FBN3: variants seen among roughly 807,000 people sequenced by gnomAD.
FBN3 encodes fibrillin 3.
Under a neutral mutation model 330.1 loss-of-function variants are expected in FBN3, and 234 were observed. The observed-to-expected ratio is 0.71, with a 90% CI of 0.64 to 0.79. The LOEUF is 0.79. Among genes scored for constraint, FBN3 ranks in the 30% least tolerant of loss-of-function variants. The pLI is 0.00. For missense variants in FBN3, 3,606 were observed against 3,886.9 expected, an observed-to-expected ratio of 0.93 and a Z score of 1.92; for synonymous variants, 1,458 against 1,517.3, an observed-to-expected ratio of 0.96 and a Z score of 0.91.
chr19:8,083,061 A>T lies in FBN3; in HGVS notation c.7213+186T>A, dbSNP rs537936041. Among the ~76,000 whole-genome samples, 6 of 152,254 alleles carry T rather than the reference A, an allele frequency of 3.9e-5. No homozygotes were observed. The South Asian group carries it at 1.0e-3, about 26-fold the overall frequency. ...AGTGATCCTCCCACCTCGACCTCCC[A>T]AAATACTGGGATTACAGTAGCGAGC... On this transcript the variant is annotated intron_variant, in intron 57 of 63. Transcript: ENST00000600128.
chr19:8,094,335 G>A lies in FBN3; in HGVS notation c.5905+111C>T, dbSNP rs189533723. 8.3e-4 allele frequency: 991 copies of A among 1,188,160 alleles called. 2 individuals carry two copies. Among genetic ancestry groups the A allele is most frequent in the Admixed American group, 2.0e-3 (76 of 38,828 alleles). 73.6% of individuals were successfully genotyped at this position (1,188,160 alleles called of 1,614,324 possible). A position where few individuals can be genotyped will look rare whatever the true frequency, so the allele number is the denominator to read the frequency against. ...TTTATGAAGCTGTGTTTGACGCTGC[G>A]TTAAGTACATCTCCACCTTCATCAC... is the stretch of plus-strand genomic sequence containing the variant. On this transcript the variant is annotated intron_variant, in intron 47 of 63. Transcript: ENST00000600128.
At chr19:8,116,352 C>A (rs988951085) in intron 29 of FBN3, among the ~76,000 whole-genome samples, 1 of 152,218 alleles carries the variant, frequency 6.6e-6, no homozygotes. Flanking sequence ...TCTTAAAGCA[C>A]AGCCCTTGAA....
Position 8,090,485 on chromosome 19 carries a change from TGG to T in FBN3, c.6032-236_6032-235del, listed in dbSNP as rs374006499. Among the ~76,000 whole-genome samples, 322 of 61,696 alleles carry T rather than the reference TGG, an allele frequency of 5.2e-3. 2 individuals are homozygous for T. Among genetic ancestry groups the T allele is most frequent in the Middle Eastern group, 0.033 (3 of 90 alleles). 40.5% of individuals were successfully genotyped at this position (61,696 alleles called of 152,430 possible). ...TAGTTGTTGTTGTTGGTGGTGGTGG[TGG>T]TTTTTTTTTTTTTTCAGATGGAGTC... is the stretch of plus-strand genomic sequence containing the variant. On this transcript the variant is annotated intron_variant, in intron 48 of 63. Transcript: ENST00000600128.
chr19:8,096,793 G>T lies in FBN3; in HGVS notation c.5413+88C>A. The T allele has an allele frequency of 6.8e-7, 1 of 1,474,874 alleles. No homozygotes were observed. Among genetic ancestry groups the T allele is most frequent in the Non-Finnish European group, 9.2e-7 (1 of 1,086,828 alleles). 91.4% of individuals were successfully genotyped at this position (1,474,874 alleles called of 1,614,324 possible). A position where few individuals can be genotyped will look rare whatever the true frequency, so the allele number is the denominator to read the frequency against. ...ACCCCCCTAATAGTATAGAAAAGGA[G>T]AAAGACCTGGACAGAGCCATACCCC... On this transcript the variant is annotated intron_variant, in intron 43 of 63. Transcript: ENST00000600128. The surrounding 1 kb of genome is among the most constrained non-coding windows in gnomAD (Gnocchi z 4.6).
chr19:8,114,139 T>C (rs189112382), intron 30 of FBN3, among the ~76,000 whole-genome samples: 6 of 152,148 alleles, frequency 3.9e-5, no homozygotes, highest in African/African-American at 1.4e-4. Flanking sequence ...CATGGAACAC[T>C]TTCTGCCTCT....
At position 8,131,792 on chromosome 19, in the gene FBN3, G is replaced by A. The variant is rs571972310; in HGVS notation, c.1752C>T (p.Asn584=). The change falls in exon 15 of 64, where the codon AAC becomes AAT. Residue 584 remains asparagine, a synonymous_variant. Transcript: ENST00000600128. The surrounding 1 kb of genome is among the most constrained non-coding windows in gnomAD (Gnocchi z 4.5). ...AGCCCTCGGTGTTGGTACAGTGGCC[G>A]TTCACGCAGATGCCGGGCGTCTGGC... is the stretch of plus-strand genomic sequence containing the variant. ...DECQTPGICV[N]GHCTNTEGSF... The A allele has an allele frequency of 2.3e-5, 37 of 1,606,596 alleles. No individual in the cohort carries two copies. The highest frequency in any genetic ancestry group is 4.4e-5 in the South Asian group (4 of 90,664).
In FBN3 at chr19:8,121,704, T is replaced by C. The variant is rs2082856078; in HGVS notation, c.3083-318A>G. 6.6e-6 allele frequency among the ~76,000 whole-genome samples: 1 copy of C among 152,118 alleles called. No homozygotes were observed. Among genetic ancestry groups the C allele is most frequent in the Admixed American group, 6.6e-5 (1 of 15,258 alleles). On this transcript the variant is annotated intron_variant, in intron 24 of 63. Coordinates refer to ENST00000600128, the MANE Select transcript of FBN3 (RefSeq NM_032447.5). This position sits in a 1 kb window ranked among gnomAD's most constrained non-coding sequence, Gnocchi z 4.5. Reference sequence around the variant, plus strand: ...TTCTCCATTTTCTTTATTTTGATGGTAGATTTGTTTGTTTGTTTTATTTTA... The same window carrying C: ...TTCTCCATTTTCTTTATTTTGATGGCAGATTTGTTTGTTTGTTTTATTTTA...
intron 10 of FBN3, among the ~76,000 whole-genome samples, chr19:8,137,233 G>GC (rs1408967063): frequency 1.3e-5 from 2 of 149,088 alleles, no homozygotes; most frequent in African/African-American, 2.5e-5. Flanking sequence ...CCAACCTGGG[G>GC]CTTAGATCCC....
At chr19:8,120,009 C>T (rs1012514772) in intron 25 of FBN3, among the ~76,000 whole-genome samples, 11 of 150,226 alleles carry the variant, frequency 7.3e-5, no homozygotes, top group East Asian at 3.9e-4. Context: ...TGTGTAGAGA[C>T]GGGGCCTCTC....
chr19:8,079,747 A>T (rs147197591), intron 59 of FBN3, among the ~76,000 whole-genome samples: 1 of 151,826 alleles, frequency 6.6e-6, no homozygotes, highest in African/African-American at 2.4e-5. Flanking sequence ...CCACCACCAC[A>T]CCCGGCTAAT....
chr19:8,141,194 CAAAAAAAA>C (rs56060033), intron 8 of FBN3, among the ~76,000 whole-genome samples: 5 of 54,354 alleles, frequency 9.2e-5, no homozygotes, highest in Admixed American at 2.5e-4. Flanking sequence ...GACTCCGTCT[CAAAAAAAA>C]AAAAAAAAAA....
Position 8,138,474 on chromosome 19 carries a change from C to G in FBN3, c.956G>C (p.Cys319Ser), listed in dbSNP as rs560977294. 1.2e-6 allele frequency: 2 copies of G among 1,613,412 alleles called. No homozygotes were observed. The highest frequency in any genetic ancestry group is 2.2e-5 in the South Asian group (2 of 91,062). ...AGHYTRRQCC[C>S]DRGRCWAAGP... ...AGCTGCCCAGCACCTGCCCCTGTCA[C>G]AGCAGCACTGCCTGCGAGTGTAGTG... The change falls in exon 9 of 64, where the codon TGT (cysteine) becomes TCT (serine). Residue 319 changes from cysteine (C) to serine (S), a missense_variant. Cys to Ser is a moderately radical substitution (Grantham distance 112). Coordinates refer to ENST00000600128, the MANE Select transcript of FBN3 (RefSeq NM_032447.5).
At chr19:8,147,003 G>A in intron 3 of FBN3, 101 bp downstream of exon 3, 5 of 1,089,142 alleles carry the variant, frequency 4.6e-6, no homozygotes, top group Non-Finnish European at 6.7e-6. Context: ...TTCAGCCAGA[G>A]GTCCCTGGCT....
At chr19:8,138,105 A>G (rs2083328058) in intron 10 of FBN3, 36 bp downstream of exon 10, 2 of 1,555,114 alleles carry the variant, frequency 1.3e-6, no homozygotes, top group Non-Finnish European at 1.7e-6. Context: ...CCATCCTTCA[A>G]GTCTTGGAAT....
chr19:8,136,762 C>T (rs2083291232), intron 10 of FBN3, among the ~76,000 whole-genome samples: 1 of 151,698 alleles, frequency 6.6e-6, no homozygotes, highest in Admixed American at 6.6e-5. Context: ...GCCTGGATCC[C>T]TCCAACCTGG....
chr19:8,145,373 C>CAAAAA (rs55926242), intron 5 of FBN3, among the ~76,000 whole-genome samples: 1 of 86,372 alleles, frequency 1.2e-5, no homozygotes, highest in Non-Finnish European at 2.1e-5. Context: ...AACTCCATCT[C>CAAAAA]AAAAAAAAAA....
At chr19:8,144,995 G>T in intron 5 of FBN3, 23 bp from the exon 6 acceptor site, 1 of 1,588,272 alleles carries the variant, frequency 6.3e-7, no homozygotes, top group Non-Finnish European at 8.6e-7. Context: ...GAGGGTGATG[G>T]CTGGAGGTCC....
chr19:8,118,402 G>A (rs1363251398), intron 26 of FBN3, among the ~76,000 whole-genome samples: 1 of 152,194 alleles, frequency 6.6e-6, no homozygotes, highest in Non-Finnish European at 1.5e-5. Context: ...GGAGGCTGCA[G>A]TGAGCTGTGA....
Position 8,109,955 on chromosome 19 carries a change from C to T in FBN3, c.4334-202G>A, listed in dbSNP as rs56316217. Among the ~76,000 whole-genome samples the T allele has an allele frequency of 0.38, 57,619 of 152,066 alleles. 11,725 individuals are homozygous for T. Among genetic ancestry groups the T allele is most frequent in the African/African-American group, 0.49 (20,244 of 41,448 alleles). On this transcript the variant is annotated intron_variant, in intron 34 of 63. Transcript: ENST00000600128. This position sits in a 1 kb window ranked among gnomAD's most constrained non-coding sequence, Gnocchi z 5.2. ...GTCCTGTCCCCTCCAACCCCATTCC[C>T]TCTCCTGCTCTGTTCTGCCTGGCAG...
Sources: allele counts gnomAD v4.1 joint callset (sites outside exome capture counted in the v4.1 genomes callset), GRCh38; gene constraint gnomAD v4.1.1; non-coding constraint Gnocchi (gnomAD v3.1); transcripts MANE v1.5; gene names NCBI Gene and HGNC (gene_info 2026-07-23, HGNC 2026-07-21).